ABCA9: variants seen among roughly 807,000 people sequenced by gnomAD.
ABCA9 encodes the protein ATP binding cassette subfamily A member 9.
Under a neutral mutation model 205.3 loss-of-function variants are expected in ABCA9, and 183 were observed. That is an observed-to-expected ratio of 0.89 (90% confidence interval 0.79 to 1.01). ABCA9 has a LOEUF of 1.01. Among genes scored for constraint, ABCA9 ranks in the 50% least tolerant of loss-of-function variants. ABCA9 has a pLI of 0.00. For synonymous variants in ABCA9, 651 were observed against 683.3 expected, an observed-to-expected ratio of 0.95 and a Z score of 0.74; for missense variants, 1,805 against 1,912.4, an observed-to-expected ratio of 0.94 and a Z score of 1.05.
At chr17:69,049,532 T>C in intron 2 of ABCA9, 42 bp from the exon 3 acceptor site, 2 of 1,458,332 alleles carry the variant, frequency 1.4e-6, no homozygotes, top group Non-Finnish European at 1.9e-6. Context: ...CTGGTAGATG[T>C]TATACCACAG....
At chr17:69,036,797 C>A (rs375908096) in intron 6 of ABCA9, among the ~76,000 whole-genome samples, 1 of 143,428 alleles carries the variant, frequency 7.0e-6, no homozygotes, top group Non-Finnish European at 1.5e-5. Context: ...ATTCAAGAGA[C>A]CCATCTCAGG....
At chr17:68,999,028 A>G (rs1313783177) in intron 25 of ABCA9, among the ~76,000 whole-genome samples, 1 of 152,046 alleles carries the variant, frequency 6.6e-6, no homozygotes, top group African/African-American at 2.4e-5. Flanking sequence ...CATGTATAAC[A>G]TATGTAGGTC....
intron 1 of ABCA9, among the ~76,000 whole-genome samples, chr17:69,058,632 G>A (rs1191914405): frequency 1.3e-5 from 2 of 152,098 alleles, no homozygotes; most frequent in Non-Finnish European, 2.9e-5. Flanking sequence ...AAGGTCAGGA[G>A]TTCGAGACCA....
At chr17:69,040,277 T>A (rs943371524) in intron 6 of ABCA9, among the ~76,000 whole-genome samples, 2 of 152,188 alleles carry the variant, frequency 1.3e-5, no homozygotes, top group Admixed American at 6.6e-5. Flanking sequence ...TGCAGCACTA[T>A]TCACAATGGC....
intron 37 of ABCA9, among the ~76,000 whole-genome samples, chr17:68,979,650 C>T (rs1369560982): frequency 1.3e-5 from 2 of 152,160 alleles, no homozygotes; most frequent in Non-Finnish European, 2.9e-5. Context: ...ACTATCTGAT[C>T]TTTGAGAAAC....
intron 2 of ABCA9, among the ~76,000 whole-genome samples, chr17:69,050,208 A>G (rs2071855975): frequency 6.6e-6 from 1 of 152,118 alleles, no homozygotes; most frequent in African/African-American, 2.4e-5. Flanking sequence ...AAGGTAAAAC[A>G]TCTATGTAGG....
Position 69,008,226 on chromosome 17 carries a change from G to A in ABCA9, c.3157C>T (p.His1053Tyr), listed in dbSNP as rs755290375. 6.2e-7 allele frequency: 1 copy of A among 1,612,290 alleles called. No individual in the cohort carries two copies. Among genetic ancestry groups the A allele is most frequent in the East Asian group, 2.2e-5 (1 of 44,872 alleles). ...SSIGDYKKKA[H>Y]SQLRISGLYP... ...AGGCCTGAAATCCGTAGCTGGGAATGAGCTTTTTTCTGATAAAGAAATAGA... is the reference window on the plus strand; with the variant it reads ...AGGCCTGAAATCCGTAGCTGGGAATAAGCTTTTTTCTGATAAAGAAATAGA... The change falls in exon 24 of 39, where the codon CAT becomes TAT. Residue 1053 changes from histidine to tyrosine, a missense_variant. Transcript: ENST00000340001.
chr17:69,039,996 C>T (rs954013840), intron 6 of ABCA9, among the ~76,000 whole-genome samples: 3 of 152,078 alleles, frequency 2.0e-5, no homozygotes, highest in African/African-American at 7.2e-5. Context: ...CAAATCAAAA[C>T]CACAATGAGA....
At chr17:69,036,950 A>T (rs934975576) in intron 6 of ABCA9, among the ~76,000 whole-genome samples, 1 of 150,454 alleles carries the variant, frequency 6.6e-6, no homozygotes, top group South Asian at 2.1e-4. Flanking sequence ...ACCAACAAAG[A>T]TTAAAAAAAG....
In ABCA9 at chr17:69,032,153, C is replaced by T; in HGVS notation, c.1400G>A (p.Cys467Tyr). ...GAATTCTGGAGACACTGGTTCAAAA[C>T]AGTCATTAGGTGTAGGATCAGAATC... ...ETDSDPTPND[C>Y]FEPVSPEFCG... The change falls in exon 10 of 39, where the codon TGT (cysteine) becomes TAT (tyrosine). Residue 467 changes from cysteine (C) to tyrosine (Y), a missense_variant. Physicochemically the swap from Cys to Tyr is radical, Grantham distance 194. Coordinates refer to ENST00000340001, the MANE Select transcript of ABCA9 (RefSeq NM_080283.4). 3.1e-6 allele frequency: 5 copies of T among 1,613,688 alleles called. No homozygotes were observed. The highest frequency in any genetic ancestry group is 4.2e-6 in the Non-Finnish European group (5 of 1,179,834).
intron 30 of ABCA9, 40 bp from the exon 31 acceptor site, chr17:68,989,158 G>T: frequency 7.5e-7 from 1 of 1,334,366 alleles, no homozygotes; most frequent in South Asian, 1.2e-5. Context: ...ACAAATAATT[G>T]CAACAAAAAT....
At chr17:69,052,854 G>C (rs574017960) in intron 1 of ABCA9, among the ~76,000 whole-genome samples, 87 of 152,284 alleles carry the variant, frequency 5.7e-4, no homozygotes, top group Middle Eastern at 6.8e-3. Context: ...CGCTCCTTGG[G>C]TTTGATAATT....
chr17:69,077,744 T>C, the ABCA9 span, among the ~76,000 whole-genome samples: 4 of 152,294 alleles, frequency 2.6e-5, no homozygotes, highest in South Asian at 8.3e-4. Flanking sequence ...TTGAACCCCT[T>C]ATTATGTACA....
At chr17:69,011,538 T>C (rs1020186204) in intron 23 of ABCA9, among the ~76,000 whole-genome samples, 1 of 152,180 alleles carries the variant, frequency 6.6e-6, no homozygotes, top group African/African-American at 2.4e-5. Flanking sequence ...TCGAATTTTA[T>C]TTTTTAAAAA....
chr17:69,017,782 G>T lies in ABCA9; in HGVS notation c.2775C>A (p.Thr925=). ...HLLVINKTGS[T]IDNFLHSLRR... is the part of the protein sequence containing the mutation. ...TCAGTGAATGTAAAAAGTTATCAAT[G>T]GTTGACCCTACATGAAGGCAAAGAT... Residue 925 remains threonine (T), a synonymous_variant, in exon 21 of 39, where the codon ACC becomes ACA. Transcript: ENST00000340001. 1 of 1,612,508 alleles carries T rather than the reference G, an allele frequency of 6.2e-7. No homozygotes were observed. Among genetic ancestry groups the T allele is most frequent in the Non-Finnish European group, 8.5e-7 (1 of 1,179,064 alleles).
chr17:69,022,115 A>G (rs551915505), intron 17 of ABCA9: 1 of 179,744 alleles, frequency 5.6e-6, no homozygotes, highest in Non-Finnish European at 1.1e-5. Context: ...ACATATTTTA[A>G]TATATTTTTT....
chr17:69,033,931 ATTGTT>A lies in ABCA9; in HGVS notation c.1129-63_1129-59del. On this transcript the variant is annotated intron_variant, in intron 8 of 38. Coordinates refer to ENST00000340001, the MANE Select transcript of ABCA9 (RefSeq NM_080283.4). ...AATTAATATGGCATTAAGAATTATT[ATTGTT>A]TTATTTCTGCTACAACTGGGTTTGC... 5.1e-6 allele frequency: 7 copies of A among 1,366,410 alleles called. No individual in the cohort carries two copies. The South Asian group carries it at 5.3e-5, about 10-fold the overall frequency. The allele number at this position is 1,366,410 out of a possible 1,614,324, so 84.6% of individuals were successfully genotyped here.
At position 68,989,980 on chromosome 17, in the gene ABCA9, A is replaced by T. The variant is rs192183635; in HGVS notation, c.3838-50T>A. On this transcript the variant is annotated intron_variant, in intron 29 of 38. Transcript: ENST00000340001. Reference sequence around the variant, plus strand: ...GGGACTTTATTCGCATCTTGAACTGAGAGGGTGTTCCACACTCTTGTCACC... The same window carrying T: ...GGGACTTTATTCGCATCTTGAACTGTGAGGGTGTTCCACACTCTTGTCACC... 1.4e-4 allele frequency: 183 copies of T among 1,293,346 alleles called. No homozygotes were observed. In the Admixed American group the frequency reaches 2.6e-3, roughly 18 times the overall value. The allele number at this position is 1,293,346 out of a possible 1,614,324, so 80.1% of individuals were successfully genotyped here. A position where few individuals can be genotyped will look rare whatever the true frequency, so the allele number is the denominator to read the frequency against.
At chr17:69,033,904 A>G (rs2071245465) in intron 8 of ABCA9, 31 bp from the exon 9 acceptor site, 3 of 1,501,382 alleles carry the variant, frequency 2.0e-6, no homozygotes, top group Non-Finnish European at 2.7e-6. Flanking sequence ...GAATTTTAAA[A>G]GAATTAATAT....
Sources: gnomAD v4.1 joint callset for allele counts (sites outside exome capture counted in the v4.1 genomes callset) on GRCh38, gnomAD v4.1.1 for gene constraint, MANE v1.5 for transcripts, NCBI Gene and HGNC (gene_info 2026-07-23, HGNC 2026-07-21) for gene names.